Variants in WWC1 observed in about 807,000 individuals in gnomAD.
WWC1 encodes WW and C2 domain containing 1.
In WWC1, 55 loss-of-function variants were observed where a neutral mutation model predicts 138.4. The ratio of observed to expected loss-of-function variants is 0.40; its 90% CI spans 0.32 to 0.50. The LOEUF (loss-of-function observed/expected upper bound fraction) is 0.50. Among genes scored for constraint, WWC1 ranks in the 20% least tolerant of loss-of-function variants. WWC1 has a pLI of 0.72. For missense variants in WWC1, 1,226 were observed against 1,420.4 expected (o/e 0.86, Z 2.20); for synonymous variants, 524 against 564.9 (o/e 0.93, Z 1.03).
intron 1 of WWC1, among the ~76,000 whole-genome samples, chr5:168,332,831 C>T (rs1773151326): frequency 6.6e-6 from 1 of 152,060 alleles, no homozygotes; most frequent in Non-Finnish European, 1.5e-5. Flanking sequence ...GTCTCAGTCC[C>T]CCAAGTGGCT....
At chr5:168,434,763 C>T (rs1311109393) in intron 15 of WWC1, among the ~76,000 whole-genome samples, 1 of 152,196 alleles carries the variant, frequency 6.6e-6, no homozygotes, top group Non-Finnish European at 1.5e-5. Flanking sequence ...GGCAACAGTT[C>T]CACCAAATGC....
rs1021253449 is a variant in WWC1, at chr5:168,469,204, A to AAC, written c.*201_*202dup. ...GTTATTAAAAACAGAACAAAAACAA[A>AAC]ACACACACACACACAAAAACAGAAA... On this transcript the variant is annotated 3_prime_UTR_variant, in exon 23 of 23. Coordinates refer to ENST00000265293, the MANE Select transcript of WWC1 (RefSeq NM_015238.3). 24 of 582,508 alleles carry AAC rather than the reference A, an allele frequency of 4.1e-5. No homozygotes were observed. The highest frequency in any genetic ancestry group is 1.3e-4 in the African/African-American group (7 of 53,934). The allele number at this position is 582,508 out of a possible 1,614,324, so 36.1% of individuals were successfully genotyped here. A position where few individuals can be genotyped will look rare whatever the true frequency, so the allele number is the denominator to read the frequency against.
At chr5:168,403,035 T>TTTCC (rs1391595100) in intron 5 of WWC1, among the ~76,000 whole-genome samples, 1 of 126,688 alleles carries the variant, frequency 7.9e-6, no homozygotes, top group African/African-American at 3.6e-5. Flanking sequence ...TCTTTCTTTC[T>TTTCC]TTCTTTCTTT....
At chr5:168,347,958 G>T (rs1285296873) in intron 1 of WWC1, among the ~76,000 whole-genome samples, 1 of 152,192 alleles carries the variant, frequency 6.6e-6, no homozygotes, top group Admixed American at 6.5e-5. Context: ...GCTGGGATCT[G>T]CCCTGTTGGA....
chr5:168,337,994 CA>C (rs747119036), intron 1 of WWC1, among the ~76,000 whole-genome samples: 38 of 152,056 alleles, frequency 2.5e-4, no homozygotes, highest in Non-Finnish European at 5.1e-4. Flanking sequence ...GAGGGCTGGG[CA>C]AGAGTGTGCA....
intron 1 of WWC1, among the ~76,000 whole-genome samples, chr5:168,311,398 G>GCAGC (rs1771066854): frequency 6.6e-6 from 1 of 152,116 alleles, no homozygotes; most frequent in Non-Finnish European, 1.5e-5. Flanking sequence ...GAGGTGTGAG[G>GCAGC]AACCGAGGCA....
At chr5:168,380,449 TAAAA>T (rs1045252353) in intron 2 of WWC1, among the ~76,000 whole-genome samples, 1 of 151,370 alleles carries the variant, frequency 6.6e-6, no homozygotes, top group Non-Finnish European at 1.5e-5. Flanking sequence ...CTCAAAAAAA[TAAAA>T]AAATAAAATT....
intron 1 of WWC1, among the ~76,000 whole-genome samples, chr5:168,299,184 G>C (rs1309061553): frequency 6.6e-6 from 1 of 152,228 alleles, no homozygotes; most frequent in African/African-American, 2.4e-5. Flanking sequence ...ACTCATACTA[G>C]CTGTAGCCTG....
intron 17 of WWC1, among the ~76,000 whole-genome samples, 168 bp from the exon 18 acceptor site, chr5:168,453,800 C>A (rs1057390017): frequency 6.6e-6 from 1 of 152,132 alleles, no homozygotes; most frequent in African/African-American, 2.4e-5. Context: ...CCTGCCTCGG[C>A]CTCCCAAAGT....
intron 1 of WWC1, among the ~76,000 whole-genome samples, chr5:168,345,370 TACA>T (rs2152782002): frequency 6.6e-6 from 1 of 152,350 alleles, no homozygotes; most frequent in South Asian, 2.1e-4. Flanking sequence ...GTGCTGGGAT[TACA>T]GGGGTGAGCT....
intron 15 of WWC1, among the ~76,000 whole-genome samples, chr5:168,441,411 A>C (rs1472001178): frequency 6.6e-6 from 1 of 152,190 alleles, no homozygotes; most frequent in African/African-American, 2.4e-5. Flanking sequence ...TGGTAAACTA[A>C]AGGTTTTTTT....
At chr5:168,366,898 A>G (rs903542688) in intron 1 of WWC1, among the ~76,000 whole-genome samples, 17 of 145,008 alleles carry the variant, frequency 1.2e-4, no homozygotes, top group Admixed American at 2.9e-4. Flanking sequence ...CCCAGGTTCA[A>G]GCGATTCTCC....
chr5:168,343,859 TTA>T (rs1386947732), intron 1 of WWC1, among the ~76,000 whole-genome samples: 3 of 151,876 alleles, frequency 2.0e-5, no homozygotes, highest in African/African-American at 7.3e-5. Flanking sequence ...TCTGGGATGT[TTA>T]TGTTTTTTCC....
At chr5:168,312,216 CAA>C (rs35286827) in intron 1 of WWC1, among the ~76,000 whole-genome samples, 40 of 136,612 alleles carry the variant, frequency 2.9e-4, no homozygotes, top group Middle Eastern at 3.7e-3. Context: ...GACGCCGTCT[CAA>C]AAAAAAAAAA....
intron 1 of WWC1, among the ~76,000 whole-genome samples, chr5:168,298,338 C>A (rs978705993): frequency 1.3e-5 from 2 of 152,112 alleles, no homozygotes; most frequent in Non-Finnish European, 2.9e-5. Context: ...TGTGCCCCAC[C>A]CAACAAGGTT....
At chr5:168,300,207 A>C (rs1413294141) in intron 1 of WWC1, among the ~76,000 whole-genome samples, 1 of 152,232 alleles carries the variant, frequency 6.6e-6, no homozygotes, top group African/African-American at 2.4e-5. Flanking sequence ...GAGAAAACTA[A>C]GAAACTGGAT....
At chr5:168,422,988 T>C (rs1582242966) in intron 10 of WWC1, among the ~76,000 whole-genome samples, 3 of 151,282 alleles carry the variant, frequency 2.0e-5, no homozygotes, top group South Asian at 4.2e-4. Context: ...TCTACTAAAA[T>C]ACAAAAAATT....
chr5:168,344,553 A>G (rs571603135), intron 1 of WWC1, among the ~76,000 whole-genome samples: 2 of 152,368 alleles, frequency 1.3e-5, no homozygotes, highest in African/African-American at 4.8e-5. Context: ...GGATAATAGT[A>G]CACAGTTTCC....
At chr5:168,326,607 C>T (rs112166173) in intron 1 of WWC1, among the ~76,000 whole-genome samples, 17,002 of 151,978 alleles carry the variant, frequency 0.11, 1,299 homozygotes, top group Non-Finnish European at 0.15. Flanking sequence ...GATGCGATCT[C>T]AGCTCACTGC....
Sources: allele counts gnomAD v4.1 joint callset (sites outside exome capture counted in the v4.1 genomes callset), GRCh38; gene constraint gnomAD v4.1.1; transcripts MANE v1.5; gene names NCBI Gene and HGNC (gene_info 2026-07-23, HGNC 2026-07-21).